Variants in TDRD3 observed in about 807,000 individuals in gnomAD.
The protein encoded by TDRD3 is tudor domain-containing protein 3.
A neutral mutation model predicts 86.7 loss-of-function variants in TDRD3; 45 were observed. The ratio of observed to expected loss-of-function variants is 0.52; its 90% CI spans 0.41 to 0.67. The LOEUF (loss-of-function observed/expected upper bound fraction) is 0.67, where lower values mean the gene tolerates loss of function less well. Among genes scored for constraint, TDRD3 ranks in the 30% least tolerant of loss-of-function variants. The pLI is 0.00. For synonymous variants in TDRD3, 298 were observed against 301.7 expected, an observed-to-expected ratio of 0.99 and a Z score of 0.13; for missense variants, 814 against 889.0, an observed-to-expected ratio of 0.92 and a Z score of 1.07.
Position 60,397,262 on chromosome 13 carries a change from C to A in TDRD3, c.-103C>A. ...GCAGAGCCGACCAGAGGAGTTTTTT[C>A]TTTTCTTTTCTTTTTTTTTTTTTAA... On this transcript the variant is annotated 5_prime_UTR_variant, in exon 1 of 14. Coordinates refer to ENST00000377881, the MANE Select transcript of TDRD3 (RefSeq NM_001146070.2). 1 of 594,652 alleles carries A rather than the reference C, an allele frequency of 1.7e-6. No individual in the cohort carries two copies. Among genetic ancestry groups the A allele is most frequent in the Non-Finnish European group, 2.5e-6 (1 of 401,484 alleles). 36.8% of individuals were successfully genotyped at this position (594,652 alleles called of 1,614,324 possible).
chr13:60,565,494 G>A (rs534732422), intron 12 of TDRD3, among the ~76,000 whole-genome samples: 23 of 152,200 alleles, frequency 1.5e-4, no homozygotes, highest in African/African-American at 5.5e-4. Flanking sequence ...AGTTCAGTTC[G>A]TGAATTCTTT....
At chr13:60,550,509 A>G (rs543268111) in intron 12 of TDRD3, among the ~76,000 whole-genome samples, 45 of 152,238 alleles carry the variant, frequency 3.0e-4, no homozygotes, top group African/African-American at 1.1e-3. Flanking sequence ...GAATTTTATA[A>G]AAATGATGAC....
intron 1 of TDRD3, among the ~76,000 whole-genome samples, chr13:60,439,136 A>C (rs1955193575): frequency 1.3e-5 from 2 of 152,206 alleles, no homozygotes; most frequent in Non-Finnish European, 1.5e-5. Flanking sequence ...AGATAGGAAA[A>C]GTAAAAGATG....
chr13:60,534,882 C>T (rs1957664589), intron 11 of TDRD3, among the ~76,000 whole-genome samples: 1 of 138,398 alleles, frequency 7.2e-6, no homozygotes, highest in Non-Finnish European at 1.5e-5. Flanking sequence ...GAGCCAAGAT[C>T]TTGCTATTGC....
At chr13:60,406,311 G>T (rs1300716240) in intron 1 of TDRD3, among the ~76,000 whole-genome samples, 2 of 152,128 alleles carry the variant, frequency 1.3e-5, no homozygotes, top group Non-Finnish European at 2.9e-5. Context: ...AATATGTCTA[G>T]TCTAAATTCA....
intron 1 of TDRD3, among the ~76,000 whole-genome samples, chr13:60,415,720 A>ATGGAT (rs777395587): frequency 2.6e-5 from 4 of 152,164 alleles, no homozygotes; most frequent in Non-Finnish European, 4.4e-5. Context: ...AGATGCCTTG[A>ATGGAT]TGGATCTTCC....
intron 12 of TDRD3, among the ~76,000 whole-genome samples, chr13:60,550,512 A>T (rs996496250): frequency 6.6e-6 from 1 of 152,138 alleles, no homozygotes; most frequent in Non-Finnish European, 1.5e-5. Flanking sequence ...TTTTATAAAA[A>T]TGATGACTGT....
Position 60,561,849 on chromosome 13 carries a change from A to G in TDRD3, c.2119-5676A>G, listed in dbSNP as rs1313917007. ...TTATAATCTGTGGTTCCAGGCTACT[A>G]TGGGCCCAGGTTTTTTGTTGTTGTT... On this transcript the variant is annotated intron_variant, in intron 12 of 13. Coordinates refer to ENST00000377881, the MANE Select transcript of TDRD3 (RefSeq NM_001146070.2). Among the ~76,000 whole-genome samples the G allele has an allele frequency of 2.0e-5, 3 of 150,234 alleles. No homozygotes were observed. In the East Asian group the frequency reaches 5.8e-4, roughly 29 times the overall value.
At chr13:60,452,815 GTTTT>G (rs34514318) in intron 3 of TDRD3, among the ~76,000 whole-genome samples, 5 of 144,730 alleles carry the variant, frequency 3.5e-5, no homozygotes, top group African/African-American at 1.3e-4. Flanking sequence ...ACTGTTCTTA[GTTTT>G]TTTTTTTTTT....
intron 12 of TDRD3, chr13:60,537,686 G>A (rs1957727763): frequency 6.6e-6 from 1 of 152,032 alleles, no homozygotes; most frequent in African/African-American, 2.4e-5. Context: ...CAGGGAAATG[G>A]TTAGAGAGGC....
chr13:60,399,174 A>G (rs996723366), intron 1 of TDRD3, among the ~76,000 whole-genome samples: 1 of 152,170 alleles, frequency 6.6e-6, no homozygotes, highest in Non-Finnish European at 1.5e-5. Flanking sequence ...TTCTCTGTAA[A>G]GTCTAATACA....
intron 1 of TDRD3, among the ~76,000 whole-genome samples, chr13:60,433,081 G>C (rs1009777201): frequency 6.6e-6 from 1 of 151,894 alleles, no homozygotes; most frequent in Non-Finnish European, 1.5e-5. Context: ...TTTCACTCTT[G>C]GTTTTCTCAT....
intron 3 of TDRD3, among the ~76,000 whole-genome samples, chr13:60,453,437 A>G (rs1045930559): frequency 6.6e-6 from 1 of 152,162 alleles, no homozygotes; most frequent in Non-Finnish European, 1.5e-5. Flanking sequence ...CTGAATTAGT[A>G]CCAGTTTTTC....
intron 12 of TDRD3, among the ~76,000 whole-genome samples, chr13:60,546,653 T>C (rs1027924985): frequency 7.2e-5 from 11 of 152,132 alleles, no homozygotes; most frequent in Admixed American, 2.0e-4. Context: ...ATGATTAAGA[T>C]AGGAAAAAAG....
chr13:60,568,707 G>C (rs1021543248), intron 13 of TDRD3, among the ~76,000 whole-genome samples: 1 of 152,066 alleles, frequency 6.6e-6, no homozygotes, highest in Non-Finnish European at 1.5e-5. Context: ...TTTACCACTT[G>C]TATTCAACAT....
At chr13:60,478,015 T>A (rs193243937) in intron 5 of TDRD3, among the ~76,000 whole-genome samples, 95 of 149,156 alleles carry the variant, frequency 6.4e-4, no homozygotes, top group African/African-American at 2.1e-3. Flanking sequence ...ATTTTTTTGG[T>A]TAAGAGATTT....
chr13:60,491,584 CA>C (rs372650491), intron 7 of TDRD3, among the ~76,000 whole-genome samples: 1 of 152,068 alleles, frequency 6.6e-6, no homozygotes, highest in African/African-American at 2.4e-5. Flanking sequence ...TTAAACTTAT[CA>C]AAGGCAATTG....
chr13:60,517,303 T>C (rs1957193702), intron 10 of TDRD3, among the ~76,000 whole-genome samples: 1 of 152,050 alleles, frequency 6.6e-6, no homozygotes. Flanking sequence ...ATAATGGTAA[T>C]AGCTTAATTG....
At chr13:60,531,983 T>G (rs542111396) in intron 11 of TDRD3, among the ~76,000 whole-genome samples, 2 of 152,288 alleles carry the variant, frequency 1.3e-5, no homozygotes, top group East Asian at 3.9e-4. Context: ...ATGTGCCAGG[T>G]GATTGGGGCA....
Sources: gnomAD v4.1 joint callset for allele counts (sites outside exome capture counted in the v4.1 genomes callset) on GRCh38, gnomAD v4.1.1 for gene constraint, MANE v1.5 for transcripts, NCBI Gene and HGNC (gene_info 2026-07-23, HGNC 2026-07-21) for gene names.